Variants in DGKD observed in about 807,000 individuals in gnomAD.
DGKD encodes DAG kinase delta.
In DGKD, 68 loss-of-function variants were observed where a neutral mutation model predicts 154.4. The ratio of observed to expected loss-of-function variants is 0.44; its 90% CI spans 0.36 to 0.54. The LOEUF (loss-of-function observed/expected upper bound fraction) is 0.54, where lower values mean the gene tolerates loss of function less well. Among genes scored for constraint, DGKD ranks in the 20% least tolerant of loss-of-function variants. DGKD has a pLI of 0.00. For missense variants in DGKD, 1,343 were observed against 1,593.6 expected (o/e 0.84, Z 2.68); for synonymous variants, 693 against 638.0 (o/e 1.09, Z -1.30).
intron 17 of DGKD, among the ~76,000 whole-genome samples, chr2:233,451,336 A>G (rs1427625785): frequency 1.3e-5 from 2 of 152,044 alleles, no homozygotes; most frequent in Non-Finnish European, 2.9e-5. Flanking sequence ...TTAAGGAATT[A>G]TCTGAGTGGA....
chr2:233,363,569 A>G (rs773060279), intron 1 of DGKD, among the ~76,000 whole-genome samples: 13 of 152,240 alleles, frequency 8.5e-5, no homozygotes, highest in Non-Finnish European at 5.9e-5. Flanking sequence ...TACAGTGTTT[A>G]CAAAGCATAG....
chr2:233,423,811 C>T (rs559460369), intron 3 of DGKD, among the ~76,000 whole-genome samples: 13 of 152,120 alleles, frequency 8.5e-5, no homozygotes, highest in African/African-American at 2.9e-4. Context: ...TTTCCACCCA[C>T]CCCCCCAGTA....
intron 3 of DGKD, among the ~76,000 whole-genome samples, chr2:233,415,792 T>G (rs1040336743): frequency 6.6e-6 from 1 of 152,052 alleles, no homozygotes; most frequent in Non-Finnish European, 1.5e-5. Context: ...CCCAGCTAAT[T>G]TATAAATTTT....
At chr2:233,361,774 C>T (rs1000669837) in intron 1 of DGKD, among the ~76,000 whole-genome samples, 26 of 152,124 alleles carry the variant, frequency 1.7e-4, no homozygotes, top group East Asian at 3.8e-4. Context: ...GGCAAGATCC[C>T]GCCTCTACTA....
Position 233,394,362 on chromosome 2 carries a change from C to T in DGKD, c.348+3879C>T, listed in dbSNP as rs1703851698. Among the ~76,000 whole-genome samples, 10 of 152,106 alleles carry T rather than the reference C, an allele frequency of 6.6e-5. No homozygotes were observed. The South Asian group carries it at 2.1e-3, about 32-fold the overall frequency. On this transcript the variant is annotated intron_variant, in intron 3 of 29. Coordinates refer to ENST00000264057, the MANE Select transcript of DGKD (RefSeq NM_152879.3). The stretch of plus-strand genomic sequence containing the variant: ...GGCTCCAGTGATCCTCCTGCCTCAG[C>T]CTCCCAGTTAGCTGGGACTACAGGT...
chr2:233,454,445 GA>G (rs2063389513), intron 18 of DGKD: 7 of 481,506 alleles, frequency 1.5e-5, no homozygotes, highest in Non-Finnish European at 3.0e-5. Context: ...GTGGAAAGTA[GA>G]CGAGAGGCGC....
chr2:233,429,915 C>G (rs895839311), intron 3 of DGKD, among the ~76,000 whole-genome samples: 1 of 152,218 alleles, frequency 6.6e-6, no homozygotes, highest in African/African-American at 2.4e-5. Flanking sequence ...ATCCCCTCTG[C>G]GGTGAAACTT....
At chr2:233,380,546 C>T (rs1447254863) in intron 1 of DGKD, among the ~76,000 whole-genome samples, 1 of 152,196 alleles carries the variant, frequency 6.6e-6, no homozygotes, top group Non-Finnish European at 1.5e-5. Flanking sequence ...CCACCCCCAA[C>T]AGAACTGCTT....
At chr2:233,379,621 G>T (rs1344945108) in intron 1 of DGKD, among the ~76,000 whole-genome samples, 1 of 152,130 alleles carries the variant, frequency 6.6e-6, no homozygotes, top group Non-Finnish European at 1.5e-5. Context: ...AATTGTAGTG[G>T]CAGTTGGGAT....
intron 1 of DGKD, among the ~76,000 whole-genome samples, chr2:233,367,373 C>T (rs537668540): frequency 3.3e-5 from 5 of 152,166 alleles, no homozygotes; most frequent in South Asian, 2.1e-4. Context: ...GGACTACAGG[C>T]GCCCGCCACC....
In DGKD at chr2:233,460,330, G is replaced by A. The variant is rs754964423; in HGVS notation, c.2966G>A (p.Gly989Glu). The part of the protein sequence containing the change: ...TQMDQFGQAA[G>E]VLIHSIREIA... ...ATGGACCAGTTTGGGCAGGCAGCAG[G>A]GGTCCTCATTCACAGGTGGGCTCCT... is the stretch of plus-strand genomic sequence containing the variant. The change falls in exon 24 of 30, where the codon GGG becomes GAG. Residue 989 changes from glycine to glutamate, a missense_variant. Transcript: ENST00000264057. The A allele has an allele frequency of 9.9e-6, 16 of 1,613,888 alleles. No homozygotes were observed. The highest frequency in any genetic ancestry group is 1.7e-5 in the Admixed American group (1 of 59,996).
chr2:233,377,655 A>C (rs1200497643), intron 1 of DGKD, among the ~76,000 whole-genome samples: 1 of 152,070 alleles, frequency 6.6e-6, no homozygotes, highest in Non-Finnish European at 1.5e-5. Context: ...ATAGATTCCT[A>C]GGAGTGGGCT....
chr2:233,404,786 T>G (rs966662825), intron 3 of DGKD, among the ~76,000 whole-genome samples: 5 of 152,150 alleles, frequency 3.3e-5, no homozygotes, highest in African/African-American at 9.7e-5. Context: ...GGAAGACATG[T>G]GAGCAGACAT....
chr2:233,466,963 A>G (rs1462647664), intron 27 of DGKD, 123 bp from the exon 28 acceptor site: 12 of 732,624 alleles, frequency 1.6e-5, no homozygotes, highest in Non-Finnish European at 2.9e-5. Flanking sequence ...CAGGCACAAG[A>G]GGTCTTTCCC....
intron 3 of DGKD, among the ~76,000 whole-genome samples, chr2:233,421,608 G>A (rs752976542): frequency 1.3e-5 from 2 of 151,854 alleles, no homozygotes; most frequent in African/African-American, 2.4e-5. Context: ...CGCACCACGC[G>A]CCTGCTTCTG....
At chr2:233,431,888 A>C (rs1372674123) in intron 3 of DGKD, among the ~76,000 whole-genome samples, 1 of 152,366 alleles carries the variant, frequency 6.6e-6, no homozygotes, top group South Asian at 2.1e-4. Flanking sequence ...GAAACTTTCT[A>C]GGACGTTGGA....
intron 1 of DGKD, among the ~76,000 whole-genome samples, chr2:233,373,912 A>G (rs780153335): frequency 6.6e-6 from 1 of 152,212 alleles, no homozygotes; most frequent in Non-Finnish European, 1.5e-5. Context: ...TAGAATAATA[A>G]TACACAAAGT....
chr2:233,369,795 G>A (rs573873986), intron 1 of DGKD, among the ~76,000 whole-genome samples: 28 of 152,092 alleles, frequency 1.8e-4, no homozygotes, highest in Admixed American at 1.6e-3. Flanking sequence ...CCCATTTTCC[G>A]TGTCCATGTG....
chr2:233,372,179 C>T (rs1453259832), intron 1 of DGKD, among the ~76,000 whole-genome samples: 1 of 152,092 alleles, frequency 6.6e-6, no homozygotes, highest in African/African-American at 2.4e-5. Context: ...CACCACCACA[C>T]CTGGGTAATT....
Sources: allele counts gnomAD v4.1 joint callset (sites outside exome capture counted in the v4.1 genomes callset), GRCh38; gene constraint gnomAD v4.1.1; transcripts MANE v1.5; gene names NCBI Gene and HGNC (gene_info 2026-07-23, HGNC 2026-07-21).